Variants in ABTB2 observed in about 807,000 individuals in gnomAD.
The protein encoded by ABTB2 is ankyrin repeat and BTB/POZ domain-containing protein 2.
In ABTB2, 56 loss-of-function variants were observed where a neutral mutation model predicts 104.1. That is an observed-to-expected ratio of 0.54 (90% CI 0.43 to 0.67). The LOEUF is 0.67. Ranked by LOEUF, ABTB2 falls within the 30% of genes least tolerant of loss-of-function variation. The pLI is 0.00. For synonymous variants in ABTB2, 606 were observed against 608.2 expected (o/e 1.00, Z 0.05); for missense variants, 1,279 against 1,407.7 (o/e 0.91, Z 1.46).
intron 1 of ABTB2, among the ~76,000 whole-genome samples, chr11:34,338,507 G>A (rs965646373): frequency 6.0e-5 from 9 of 150,846 alleles, no homozygotes; most frequent in African/African-American, 2.2e-4. Flanking sequence ...GACCAGCCTG[G>A]CCAACATGGT....
At chr11:34,270,340 C>CT (rs35884906) in intron 1 of ABTB2, among the ~76,000 whole-genome samples, 12,940 of 137,384 alleles carry the variant, frequency 0.094, 691 homozygotes, top group Non-Finnish European at 0.13. Context: ...GACGGTTTTC[C>CT]TTTTTTTTTT....
intron 8 of ABTB2, 114 bp from the exon 9 acceptor site, chr11:34,164,935 A>G: frequency 1.6e-6 from 2 of 1,290,040 alleles, no homozygotes; most frequent in Non-Finnish European, 2.1e-6. Flanking sequence ...GGAATAAGTC[A>G]GTAAACCCCA....
chr11:34,211,902 C>CAAA (rs1231324201), intron 1 of ABTB2, among the ~76,000 whole-genome samples: 5 of 58,002 alleles, frequency 8.6e-5, no homozygotes, highest in Admixed American at 1.9e-4. Context: ...GACCCTGTCT[C>CAAA]AAAAAAAAAA....
At chr11:34,206,743 A>C (rs1210392671) in intron 1 of ABTB2, among the ~76,000 whole-genome samples, 1 of 152,150 alleles carries the variant, frequency 6.6e-6, no homozygotes, top group Non-Finnish European at 1.5e-5. Flanking sequence ...CCAGGGCCTC[A>C]GTGTGTTCTC....
chr11:34,236,327 A>T (rs965142028), intron 1 of ABTB2, among the ~76,000 whole-genome samples: 3 of 152,156 alleles, frequency 2.0e-5, no homozygotes, highest in African/African-American at 7.2e-5. Flanking sequence ...CTTGTTGTAG[A>T]AGGGTAGAGA....
At chr11:34,298,597 G>C (rs1020921631) in intron 1 of ABTB2, among the ~76,000 whole-genome samples, 8 of 152,048 alleles carry the variant, frequency 5.3e-5, no homozygotes, top group African/African-American at 1.7e-4. Flanking sequence ...CCAGTAGCTG[G>C]AACTACAGGC....
At chr11:34,335,790 G>A in intron 1 of ABTB2, 2 of 1,369,572 alleles carry the variant, frequency 1.5e-6, no homozygotes, top group Non-Finnish European at 2.1e-6. Flanking sequence ...CAGGAAGCTT[G>A]AACCTCTGAT....
At chr11:34,309,694 A>C (rs1052606800) in intron 1 of ABTB2, among the ~76,000 whole-genome samples, 1 of 152,212 alleles carries the variant, frequency 6.6e-6, no homozygotes. Flanking sequence ...TGGAGAAAAG[A>C]AAAACAAACT....
chr11:34,197,238 G>T, intron 3 of ABTB2, 87 bp downstream of exon 3: 1 of 1,439,676 alleles, frequency 6.9e-7, no homozygotes, highest in Non-Finnish European at 9.7e-7. Context: ...CGCCCTGTTG[G>T]TCAGTCGTCA....
chr11:34,159,272 A>AGG, intron 14 of ABTB2, 24 bp downstream of exon 14: 1 of 1,590,428 alleles, frequency 6.3e-7, no homozygotes, highest in Non-Finnish European at 8.6e-7. Flanking sequence ...CTCTGAGAAG[A>AGG]GGGCGGCACC....
At chr11:34,308,497 C>T (rs1031824820) in intron 1 of ABTB2, among the ~76,000 whole-genome samples, 2 of 152,154 alleles carry the variant, frequency 1.3e-5, no homozygotes, top group African/African-American at 2.4e-5. Context: ...CCTGAGGGCA[C>T]AAGCACTGTA....
Position 34,173,230 on chromosome 11 carries a change from G to T in ABTB2, c.1322C>A (p.Thr441Asn), listed in dbSNP as rs763904448. 6.2e-7 allele frequency: 1 copy of T among 1,613,344 alleles called. No homozygotes were observed. The highest frequency in any genetic ancestry group is 8.5e-7 in the Non-Finnish European group (1 of 1,179,824). ...CTGCCGGATGTCGCCGCTGTCCACG[G>T]TGAGGCTGCGGCGGTGCTCTGCGTA... ...ITYAEHRRSL[T>N]VDSGDIRQAA... Residue 441 changes from threonine (T) to asparagine (N), a missense_variant, in exon 4 of 17, where the codon ACC (threonine) becomes AAC (asparagine). Thr to Asn is a moderately conservative substitution (Grantham distance 65). Coordinates refer to ENST00000435224, the MANE Select transcript of ABTB2 (RefSeq NM_145804.3).
At chr11:34,353,360 G>A (rs1257414517) in intron 1 of ABTB2, among the ~76,000 whole-genome samples, 1 of 152,164 alleles carries the variant, frequency 6.6e-6, no homozygotes, top group East Asian at 1.9e-4. Context: ...GGGAAGTGAT[G>A]GGGGAGAGGA....
At chr11:34,204,515 A>T (rs778421831) in intron 2 of ABTB2, 29 bp downstream of exon 2, 1 of 1,556,186 alleles carries the variant, frequency 6.4e-7, no homozygotes, top group African/African-American at 1.4e-5. Context: ...TTGCTCTACC[A>T]TCCAGCTAGA....
chr11:34,274,111 C>T (rs1008611672), intron 1 of ABTB2, among the ~76,000 whole-genome samples: 3 of 135,396 alleles, frequency 2.2e-5, no homozygotes, highest in Admixed American at 8.0e-5. Context: ...GAGATTGCGC[C>T]ACTGCAGTCC....
intron 1 of ABTB2, among the ~76,000 whole-genome samples, chr11:34,215,387 A>C (rs181639491): frequency 6.6e-6 from 1 of 152,354 alleles, no homozygotes; most frequent in Admixed American, 6.5e-5. Context: ...GAAAAGATGC[A>C]AACATCACAA....
chr11:34,296,803 G>A (rs1854627808), intron 1 of ABTB2, among the ~76,000 whole-genome samples: 2 of 152,212 alleles, frequency 1.3e-5, no homozygotes, highest in Non-Finnish European at 2.9e-5. Context: ...GCAATAAGGA[G>A]GATCCTGACT....
chr11:34,317,144 G>C (rs1485301624), intron 1 of ABTB2, among the ~76,000 whole-genome samples: 2 of 152,188 alleles, frequency 1.3e-5, no homozygotes, highest in African/African-American at 4.8e-5. Flanking sequence ...ATAGGTTTTT[G>C]GATGTTTAAC....
At position 34,308,878 on chromosome 11, in the gene ABTB2, A is replaced by AAAAAAAAG. The variant is rs1378567543; in HGVS notation, c.883+47822_883+47823insCTTTTTTT. On this transcript the variant is annotated intron_variant, in intron 1 of 16. Transcript: ENST00000435224. ...GAGAGGAAACTGTCTCAAAAAAAAAAAAAAAAAAAGAAAAGAGAAAGAAAG... is the reference window on the plus strand; with the variant it reads ...GAGAGGAAACTGTCTCAAAAAAAAAAAAAAAAAGAAAAAAAAAGAAAAGAGAAAGAAAG... 9.3e-5 allele frequency among the ~76,000 whole-genome samples: 14 copies of AAAAAAAAG among 151,068 alleles called. 1 individual carries two copies. Among genetic ancestry groups the AAAAAAAAG allele is most frequent in the African/African-American group, 3.4e-4 (14 of 41,194 alleles).
Sources: gnomAD v4.1 joint callset for allele counts (sites outside exome capture counted in the v4.1 genomes callset) on GRCh38, gnomAD v4.1.1 for gene constraint, MANE v1.5 for transcripts, NCBI Gene and HGNC (gene_info 2026-07-23, HGNC 2026-07-21) for gene names.